The following ATRNL1 variants were observed in gnomAD, a reference collection of about 807,000 sequenced individuals.
ATRNL1 encodes the protein attractin like 1.
Under a neutral mutation model 182.7 loss-of-function variants are expected in ATRNL1, and 95 were observed. The observed-to-expected ratio is 0.52, with a 90% CI of 0.44 to 0.62. The LOEUF (loss-of-function observed/expected upper bound fraction) is 0.62, where lower values mean the gene tolerates loss of function less well. Among genes scored for constraint, ATRNL1 ranks in the 20% least tolerant of loss-of-function variants. The pLI, the probability that ATRNL1 is intolerant of heterozygous loss-of-function variation, is 0.00. For synonymous variants in ATRNL1, 576 were observed against 568.3 expected, an observed-to-expected ratio of 1.01 and a Z score of -0.19; for missense variants, 1,471 against 1,679.5, an observed-to-expected ratio of 0.88 and a Z score of 2.17.
At chr10:115,714,669 T>C (rs1555055798) in intron 26 of ATRNL1, among the ~76,000 whole-genome samples, 1 of 152,166 alleles carries the variant, frequency 6.6e-6, no homozygotes, top group Non-Finnish European at 1.5e-5. Context: ...AGATTCATTA[T>C]TGATTGCTAT....
At chr10:115,262,370 AATATG>A (rs1224042410) in intron 10 of ATRNL1, among the ~76,000 whole-genome samples, 4 of 152,064 alleles carry the variant, frequency 2.6e-5, no homozygotes, top group Non-Finnish European at 5.9e-5. Flanking sequence ...ATATCTGGAA[AATATG>A]ATATATGGGA....
chr10:115,453,302 G>T (rs1213497586), intron 21 of ATRNL1, among the ~76,000 whole-genome samples: 1 of 151,736 alleles, frequency 6.6e-6, no homozygotes, highest in East Asian at 1.9e-4. Context: ...GCACCAATTT[G>T]CATTCCCATA....
At chr10:115,630,847 C>CACAG (rs1466855922) in intron 26 of ATRNL1, among the ~76,000 whole-genome samples, 7 of 139,908 alleles carry the variant, frequency 5.0e-5, no homozygotes, top group African/African-American at 2.1e-4. Context: ...CACACACACA[C>CACAG]ACACACACAC....
intron 26 of ATRNL1, among the ~76,000 whole-genome samples, chr10:115,665,438 A>G (rs1372283045): frequency 1.3e-5 from 2 of 152,150 alleles, no homozygotes; most frequent in African/African-American, 4.8e-5. Context: ...CCTTTGAAAA[A>G]ATACAGACCT....
intron 28 of ATRNL1, among the ~76,000 whole-genome samples, chr10:115,900,633 A>G (rs573586954): frequency 2.6e-5 from 4 of 152,378 alleles, no homozygotes; most frequent in African/African-American, 9.6e-5. Flanking sequence ...TTTTGTAGAT[A>G]GCACTGAGGC....
At position 115,094,124 on chromosome 10, in the gene ATRNL1, C is replaced by G. The variant is rs966839587; in HGVS notation, c.293+81C>G. The G allele has an allele frequency of 1.9e-5, 24 of 1,256,036 alleles. No homozygotes were observed. In the South Asian group the frequency reaches 5.0e-4, roughly 26 times the overall value. 77.8% of individuals were successfully genotyped at this position (1,256,036 alleles called of 1,614,324 possible). ...CTTCCCCGCCCCCCTCGCGGCCTCC[C>G]CCGCCCCCGTCGCTGCCTCTGATCC... On this transcript the variant is annotated intron_variant, in intron 1 of 28. Transcript: ENST00000355044.
intron 5 of ATRNL1, among the ~76,000 whole-genome samples, chr10:115,154,702 G>C (rs1196655648): frequency 6.6e-6 from 1 of 152,080 alleles, no homozygotes; most frequent in East Asian, 1.9e-4. Context: ...TGTCTGCTAG[G>C]TCCATTTGGT....
chr10:115,818,319 C>A (rs1950215491), intron 27 of ATRNL1, among the ~76,000 whole-genome samples: 1 of 151,880 alleles, frequency 6.6e-6, no homozygotes, highest in Non-Finnish European at 1.5e-5. Context: ...AGCCACACTG[C>A]AAGCAAGTCT....
intron 18 of ATRNL1, among the ~76,000 whole-genome samples, chr10:115,318,044 C>T (rs2134021299): frequency 6.6e-6 from 1 of 152,166 alleles, no homozygotes; most frequent in Middle Eastern, 3.4e-3. Context: ...TCATAAGAAG[C>T]TCCTATTATC....
At chr10:115,564,400 G>T (rs782581638) in intron 26 of ATRNL1, among the ~76,000 whole-genome samples, 1 of 151,916 alleles carries the variant, frequency 6.6e-6, no homozygotes, top group African/African-American at 2.4e-5. Context: ...CTCATTTTCT[G>T]TGGCCAATTT....
At chr10:115,528,824 T>A (rs1236447781) in intron 25 of ATRNL1, among the ~76,000 whole-genome samples, 1 of 152,146 alleles carries the variant, frequency 6.6e-6, no homozygotes, top group Non-Finnish European at 1.5e-5. Context: ...TGTGTTTTAA[T>A]TTTCACATTT....
At chr10:115,268,626 T>G (rs992033977) in intron 13 of ATRNL1, among the ~76,000 whole-genome samples, 182 bp downstream of exon 13, 1 of 152,212 alleles carries the variant, frequency 6.6e-6, no homozygotes, top group African/African-American at 2.4e-5. Context: ...TTGTTCAAAT[T>G]TGTCAGTCTA....
At chr10:115,094,136 G>A (rs1399787410) in intron 1 of ATRNL1, 93 bp downstream of exon 1, 2 of 1,205,336 alleles carry the variant, frequency 1.7e-6, no homozygotes, top group Non-Finnish European at 2.1e-6. Flanking sequence ...CGCCCCCGTC[G>A]CTGCCTCTGA....
intron 26 of ATRNL1, among the ~76,000 whole-genome samples, chr10:115,584,816 T>C (rs2133897492): frequency 6.6e-6 from 1 of 152,052 alleles, no homozygotes; most frequent in Middle Eastern, 3.4e-3. Context: ...GCTCTTGCTT[T>C]TCTAGTTCTT....
chr10:115,543,999 AT>A (rs200871692), intron 25 of ATRNL1, among the ~76,000 whole-genome samples: 75 of 150,884 alleles, frequency 5.0e-4, no homozygotes, highest in Non-Finnish European at 7.8e-4. Flanking sequence ...CGTACAGCAT[AT>A]TTTTTTTTGA....
In ATRNL1 at chr10:115,461,105, C is replaced by T. The variant is rs548582727; in HGVS notation, c.3323-836C>T. Among the ~76,000 whole-genome samples, 5 of 152,070 alleles carry T rather than the reference C, an allele frequency of 3.3e-5. No homozygotes were observed. The South Asian group carries it at 6.2e-4, about 19-fold the overall frequency. ...ATAAATTCAGTTAATGTAATTTAAT[C>T]TGTATGTTCTATATTAATAATTTTT... On this transcript the variant is annotated intron_variant, in intron 21 of 28. Transcript: ENST00000355044.
rs139193074 is a variant in ATRNL1 at position 115,309,395 on chromosome 10, C to T, written c.2819-6123C>T. 4.1e-3 allele frequency among the ~76,000 whole-genome samples: 617 copies of T among 152,196 alleles called. 2 individuals are homozygous for T. The highest frequency in any genetic ancestry group is 0.013 in the African/African-American group (535 of 41,538). The stretch of plus-strand genomic sequence containing the variant: ...GATTATTCTCATGATATCAGTTCTT[C>T]TAACCCCTGAGTGTGGGATGTGTTT... On this transcript the variant is annotated intron_variant, in intron 17 of 28. Coordinates refer to ENST00000355044, the MANE Select transcript of ATRNL1 (RefSeq NM_207303.4).
chr10:115,178,029 C>G (rs1554887128), intron 8 of ATRNL1, among the ~76,000 whole-genome samples: 1 of 150,628 alleles, frequency 6.6e-6, no homozygotes, highest in Non-Finnish European at 1.5e-5. Flanking sequence ...AGTGATCCTC[C>G]CACCTCAGCC....
intron 21 of ATRNL1, among the ~76,000 whole-genome samples, chr10:115,456,538 A>T (rs1485458823): frequency 3.3e-5 from 5 of 152,260 alleles, no homozygotes; most frequent in Middle Eastern, 3.4e-3. Context: ...AATACAGATG[A>T]CAGGTTGATG....
Sources: gnomAD v4.1 joint callset for allele counts (sites outside exome capture counted in the v4.1 genomes callset) on GRCh38, gnomAD v4.1.1 for gene constraint, MANE v1.5 for transcripts, NCBI Gene and HGNC (gene_info 2026-07-23, HGNC 2026-07-21) for gene names.